The following CALD1 variants were observed in gnomAD, a reference collection of about 807,000 sequenced individuals.
The protein encoded by CALD1 is caldesmon 1, also known as caldesmon.
CALD1 carries 33 observed loss-of-function variants against 99.9 expected under a neutral mutation model. The observed-to-expected ratio is 0.33, with a 90% CI of 0.25 to 0.44. The LOEUF is 0.44. Among genes scored for constraint, CALD1 ranks in the 20% least tolerant of loss-of-function variants. CALD1 has a pLI of 1.00. For missense variants in CALD1, 861 were observed against 962.1 expected (o/e 0.89, Z 1.39); for synonymous variants, 310 against 325.0 (o/e 0.95, Z 0.50).
intron 1 of CALD1, among the ~76,000 whole-genome samples, chr7:134,813,049 G>A (rs58549113): frequency 6.6e-6 from 1 of 152,230 alleles, no homozygotes; most frequent in African/African-American, 2.4e-5. Context: ...ACTTCCAAAA[G>A]AAGGAAGTGA....
chr7:134,733,215 TC>T, the CALD1 span, among the ~76,000 whole-genome samples: 3 of 152,198 alleles, frequency 2.0e-5, no homozygotes, highest in Non-Finnish European at 4.4e-5. Flanking sequence ...ATTATAGGCT[TC>T]CTAATGCATG....
intron 1 of CALD1, among the ~76,000 whole-genome samples, chr7:134,797,268 A>G (rs1255175269): frequency 6.6e-6 from 1 of 152,232 alleles, no homozygotes; most frequent in Non-Finnish European, 1.5e-5. Flanking sequence ...TACAGGCCTG[A>G]GCCACTGCAC....
At chr7:134,858,695 G>A (rs1300613626) in intron 2 of CALD1, among the ~76,000 whole-genome samples, 8 of 151,966 alleles carry the variant, frequency 5.3e-5, no homozygotes, top group African/African-American at 1.7e-4. Context: ...TCAGCCCCTT[G>A]AGTAGCTGGG....
chr7:134,953,803 C>T (rs530909397), intron 9 of CALD1, among the ~76,000 whole-genome samples: 1 of 152,074 alleles, frequency 6.6e-6, no homozygotes, highest in South Asian at 2.1e-4. Context: ...CATCTAGTAC[C>T]CCCAGGAAGC....
chr7:134,921,212 T>A (rs1374212580), intron 3 of CALD1, among the ~76,000 whole-genome samples: 1 of 152,256 alleles, frequency 6.6e-6, no homozygotes, highest in East Asian at 1.9e-4. Flanking sequence ...AAAGACTGTT[T>A]TTCAAATAAG....
intron 1 of CALD1, among the ~76,000 whole-genome samples, chr7:134,786,650 A>G (rs1797318229): frequency 6.6e-6 from 1 of 152,202 alleles, no homozygotes; most frequent in Admixed American, 6.5e-5. Context: ...AATCTCAATA[A>G]ATATTTGTTG....
chr7:134,876,924 G>C (rs937572170), intron 3 of CALD1, among the ~76,000 whole-genome samples: 1 of 152,182 alleles, frequency 6.6e-6, no homozygotes, highest in Non-Finnish European at 1.5e-5. Context: ...GCCTTTCAGA[G>C]AGTAGGATCT....
intron 1 of CALD1, among the ~76,000 whole-genome samples, chr7:134,752,771 C>T (rs1036700643): frequency 2.6e-5 from 4 of 151,994 alleles, no homozygotes; most frequent in African/African-American, 4.8e-5. Context: ...GAGGCCGAGG[C>T]GGGCAGATCA....
chr7:134,905,922 C>CTTT (rs5887716), intron 3 of CALD1, among the ~76,000 whole-genome samples: 79 of 94,790 alleles, frequency 8.3e-4, no homozygotes, highest in African/African-American at 1.2e-3. Flanking sequence ...CTCTCTATAT[C>CTTT]TTTTTTTTTT....
At chr7:134,909,593 G>A (rs774849221) in intron 3 of CALD1, among the ~76,000 whole-genome samples, 3 of 152,204 alleles carry the variant, frequency 2.0e-5, no homozygotes, top group Non-Finnish European at 2.9e-5. Flanking sequence ...TGAGGCAGGA[G>A]AATTGCCTGA....
intron 3 of CALD1, among the ~76,000 whole-genome samples, chr7:134,923,046 T>C (rs974882977): frequency 6.6e-6 from 1 of 152,248 alleles, no homozygotes; most frequent in Non-Finnish European, 1.5e-5. Flanking sequence ...GTGGTTATTA[T>C]GGACTTTTAA....
chr7:134,786,540 G>A (rs901067827), intron 1 of CALD1, among the ~76,000 whole-genome samples: 2 of 152,076 alleles, frequency 1.3e-5, no homozygotes, highest in Admixed American at 6.6e-5. Context: ...AGGTTTCTTC[G>A]ATTAATGTCT....
At chr7:134,941,484 G>T (rs914151606) in intron 7 of CALD1, among the ~76,000 whole-genome samples, 1 of 152,162 alleles carries the variant, frequency 6.6e-6, no homozygotes, top group Admixed American at 6.5e-5. Context: ...ATTTTGAAAG[G>T]CAGATCATGC....
intron 1 of CALD1, among the ~76,000 whole-genome samples, chr7:134,745,070 C>G (rs1265551519): frequency 6.6e-6 from 1 of 152,172 alleles, no homozygotes; most frequent in Non-Finnish European, 1.5e-5. Context: ...AGCACTGTAC[C>G]TTGCACCTTA....
chr7:134,738,534 C>A, the CALD1 span, among the ~76,000 whole-genome samples: 30 of 152,166 alleles, frequency 2.0e-4, no homozygotes, highest in Admixed American at 2.0e-3. Context: ...CATTTAAGGT[C>A]ATCTATTATC....
intron 11 of CALD1, 57 bp from the exon 12 acceptor site, chr7:134,959,917 A>C: frequency 6.4e-7 from 1 of 1,572,360 alleles, no homozygotes; most frequent in Non-Finnish European, 8.7e-7. Context: ...AACTCACTAT[A>C]ATTTTATGAG....
chr7:134,892,952 C>T (rs1012567857), intron 3 of CALD1, among the ~76,000 whole-genome samples: 1 of 151,846 alleles, frequency 6.6e-6, no homozygotes, highest in Non-Finnish European at 1.5e-5. Context: ...TCAGAAACCA[C>T]TGATCTCATT....
chr7:134,766,366 G>A (rs1042919894), intron 1 of CALD1, among the ~76,000 whole-genome samples: 2 of 151,742 alleles, frequency 1.3e-5, no homozygotes, highest in East Asian at 1.9e-4. Context: ...GGCTAGTCTC[G>A]AACTCCTGAC....
At chr7:134,831,639 T>C (rs1799226440) in intron 1 of CALD1, among the ~76,000 whole-genome samples, 2 of 152,164 alleles carry the variant, frequency 1.3e-5, no homozygotes, top group African/African-American at 4.8e-5. Context: ...TTCTGTATTT[T>C]CTATAATAAA....
Sources: gnomAD v4.1 joint callset for allele counts (sites outside exome capture counted in the v4.1 genomes callset) on GRCh38, gnomAD v4.1.1 for gene constraint, MANE v1.5 for transcripts, NCBI Gene and HGNC (gene_info 2026-07-23, HGNC 2026-07-21) for gene names.